The following MMEL1 variants were observed in gnomAD, a reference collection of about 807,000 sequenced individuals.
MMEL1 encodes membrane metallo-endopeptidase-like 1.
In MMEL1, 98 loss-of-function variants were observed where a neutral mutation model predicts 117.1. The observed-to-expected ratio is 0.84, with a 90% confidence interval of 0.71 to 0.99. MMEL1 has a LOEUF of 0.99. MMEL1 is among the 50% of genes least tolerant of loss of function. The pLI, the probability that MMEL1 is intolerant of heterozygous loss-of-function variation, is 0.00. For synonymous variants in MMEL1, 390 were observed against 415.1 expected (o/e 0.94, Z 0.74); for missense variants, 1,014 against 1,049.1 (o/e 0.97, Z 0.46).
At chr1:2,613,667 C>T (rs559381462) in intron 2 of MMEL1, among the ~76,000 whole-genome samples, 1 of 152,034 alleles carries the variant, frequency 6.6e-6, no homozygotes, top group South Asian at 2.1e-4. Context: ...CCTTTGGAGT[C>T]AAAGCATGAG....
rs946983674 is a variant in MMEL1 at position 2,611,176 on chromosome 1, T to A, written c.292+105A>T. 18 of 1,140,264 alleles carry A rather than the reference T, an allele frequency of 1.6e-5. No homozygotes were observed. In the South Asian group the frequency reaches 2.3e-4, roughly 14 times the overall value. The allele number at this position is 1,140,264 out of a possible 1,614,324, so 70.6% of individuals were successfully genotyped here. A position where few individuals can be genotyped will look rare whatever the true frequency, so the allele number is the denominator to read the frequency against. Reference sequence around the variant, plus strand: ...GCCCACCCGGCTCCACCGCCCGCCGTGTCTTGGAGTTGCTTCCCTGGGCCT... The same window carrying A: ...GCCCACCCGGCTCCACCGCCCGCCGAGTCTTGGAGTTGCTTCCCTGGGCCT... On this transcript the variant is annotated intron_variant, in intron 4 of 23. Coordinates refer to ENST00000378412, the MANE Select transcript of MMEL1 (RefSeq NM_033467.4).
At chr1:2,592,783 G>A in intron 20 of MMEL1, 50 bp downstream of exon 20, 1 of 1,611,736 alleles carries the variant, frequency 6.2e-7, no homozygotes, top group Non-Finnish European at 8.5e-7. Context: ...TCAGGGCCAG[G>A]GCTGGGGCTC....
At chr1:2,591,365 A>G (rs1383214951) in intron 23 of MMEL1, 192 bp downstream of exon 23, 11 of 609,078 alleles carry the variant, frequency 1.8e-5, no homozygotes, top group Non-Finnish European at 2.6e-5. Context: ...CCCCCTTCCT[A>G]AACCCTTAAA....
At chr1:2,593,035 C>T in intron 19 of MMEL1, 69 bp from the exon 20 acceptor site, 1 of 1,574,354 alleles carries the variant, frequency 6.4e-7, no homozygotes. Flanking sequence ...ACGGCAGCCA[C>T]TGTGCCTGGC....
intron 2 of MMEL1, among the ~76,000 whole-genome samples, chr1:2,617,717 A>G (rs561689969): frequency 6.6e-6 from 1 of 152,326 alleles, no homozygotes; most frequent in South Asian, 2.1e-4. Context: ...ATGAACCTCC[A>G]GACCCCATAC....
intron 11 of MMEL1, among the ~76,000 whole-genome samples, chr1:2,602,701 C>A (rs1471341809): frequency 2.0e-5 from 3 of 152,190 alleles, no homozygotes; most frequent in East Asian, 3.9e-4. Flanking sequence ...GACACGGCAT[C>A]CCCCGCTTTA....
intron 2 of MMEL1, among the ~76,000 whole-genome samples, chr1:2,623,597 T>C (rs886762310): frequency 6.6e-6 from 1 of 152,228 alleles, no homozygotes; most frequent in Admixed American, 6.5e-5. Context: ...TTTTCACACA[T>C]TCTTACAGGC....
Position 2,595,482 on chromosome 1 carries a change from C to A in MMEL1, c.1501-123G>T. 1 of 804,480 alleles carries A rather than the reference C, an allele frequency of 1.2e-6. No homozygotes were observed. The highest frequency in any genetic ancestry group is 2.1e-6 in the Non-Finnish European group (1 of 475,854). 49.8% of individuals were successfully genotyped at this position (804,480 alleles called of 1,614,324 possible). A position where few individuals can be genotyped will look rare whatever the true frequency, so the allele number is the denominator to read the frequency against. On this transcript the variant is annotated intron_variant, in intron 15 of 23. Coordinates refer to ENST00000378412, the MANE Select transcript of MMEL1 (RefSeq NM_033467.4). The surrounding 1 kb of genome is among the most constrained non-coding windows in gnomAD (Gnocchi z 4.8). ...CCGGGGCATCCTGGCTGTGCTCTCCCTGTCCTGTGGTGAGGGGCTGGGGGG... is the reference window on the plus strand; with the variant it reads ...CCGGGGCATCCTGGCTGTGCTCTCCATGTCCTGTGGTGAGGGGCTGGGGGG...
intron 17 of MMEL1, 74 bp downstream of exon 17, chr1:2,594,716 G>T: frequency 7.6e-7 from 1 of 1,308,114 alleles, no homozygotes; most frequent in Non-Finnish European, 1.1e-6. Flanking sequence ...CCCCCGCCTG[G>T]CAGGCAGCCC....
chr1:2,596,409 T>G, intron 14 of MMEL1, 152 bp downstream of exon 14: 3 of 1,116,468 alleles, frequency 2.7e-6, no homozygotes, highest in African/African-American at 1.6e-5. Flanking sequence ...GTCAGGGGCA[T>G]GGGGTGGGCA....
At chr1:2,596,748 T>G in intron 13 of MMEL1, 59 bp from the exon 14 acceptor site, 1 of 1,597,874 alleles carries the variant, frequency 6.3e-7, no homozygotes, top group Non-Finnish European at 8.5e-7. Context: ...AGGCCTGGCG[T>G]GGGGCCCTGG....
intron 2 of MMEL1, among the ~76,000 whole-genome samples, chr1:2,617,993 A>G (rs972737268): frequency 1.3e-5 from 2 of 152,242 alleles, no homozygotes; most frequent in African/African-American, 4.8e-5. Context: ...TCATTTTGAC[A>G]TAGGCTTTCT....
At chr1:2,602,702 C>T (rs1644952727) in intron 11 of MMEL1, among the ~76,000 whole-genome samples, 1 of 152,210 alleles carries the variant, frequency 6.6e-6, no homozygotes, top group Admixed American at 6.5e-5. Context: ...ACACGGCATC[C>T]CCCGCTTTAC....
intron 19 of MMEL1, 134 bp downstream of exon 19, chr1:2,593,680 A>G (rs1016744719): frequency 5.6e-5 from 72 of 1,281,208 alleles, no homozygotes; most frequent in Non-Finnish European, 7.2e-5. Context: ...CTGCCCCCAC[A>G]GCTCCCTGAG....
chr1:2,630,450 G>C (rs186888135), intron 1 of MMEL1, among the ~76,000 whole-genome samples: 13 of 152,186 alleles, frequency 8.5e-5, no homozygotes, highest in African/African-American at 3.1e-4. Context: ...GCGTGAACGT[G>C]TGTGTGCGCT....
At chr1:2,613,003 C>T (rs1570693597) in intron 2 of MMEL1, among the ~76,000 whole-genome samples, 1 of 152,240 alleles carries the variant, frequency 6.6e-6, no homozygotes, top group Non-Finnish European at 1.5e-5. Context: ...CCTGGCCTAG[C>T]CCTGGGCAGA....
chr1:2,602,871 ATCCT>A (rs1204331746), intron 11 of MMEL1, among the ~76,000 whole-genome samples: 2,348 of 152,204 alleles, frequency 0.015, 54 homozygotes, highest in African/African-American at 0.053. Context: ...GGCTGAGCTC[ATCCT>A]GCCCCCTTTC....
intron 19 of MMEL1, among the ~76,000 whole-genome samples, chr1:2,593,573 G>A (rs535978247): frequency 2.4e-4 from 36 of 152,332 alleles, no homozygotes; most frequent in African/African-American, 8.2e-4. Context: ...AGTGCCAGGT[G>A]GAGTCAGGGT....
chr1:2,611,195 TG>T, intron 4 of MMEL1, 85 bp downstream of exon 4: 1 of 1,369,820 alleles, frequency 7.3e-7, no homozygotes, highest in Non-Finnish European at 1.0e-6. Flanking sequence ...GTTGCTTCCC[TG>T]GGCCTTGGGC....
Sources: gnomAD v4.1 joint callset for allele counts (sites outside exome capture counted in the v4.1 genomes callset) on GRCh38, gnomAD v4.1.1 for gene constraint, Gnocchi (gnomAD v3.1) non-coding constraint, MANE v1.5 for transcripts, NCBI Gene and HGNC (gene_info 2026-07-23, HGNC 2026-07-21) for gene names.